Variants in DYM observed in about 807,000 individuals in gnomAD.
The protein encoded by DYM is dymeclin, also known as dyggve-Melchior-Clausen syndrome protein.
In DYM, 78 loss-of-function variants were observed where a neutral mutation model predicts 93.1. The ratio of observed to expected loss-of-function variants is 0.84; its 90% confidence interval spans 0.70 to 1.01. DYM has a LOEUF of 1.01. Among genes scored for constraint, DYM ranks in the 50% least tolerant of loss-of-function variants. DYM has a pLI of 0.00. For missense variants in DYM, 789 were observed against 845.0 expected (o/e 0.93, Z 0.82); for synonymous variants, 321 against 319.7 (o/e 1.00, Z -0.04).
chr18:49,283,877 T>C (rs1360632630), intron 9 of DYM, among the ~76,000 whole-genome samples: 3 of 152,232 alleles, frequency 2.0e-5, no homozygotes, highest in Non-Finnish European at 4.4e-5. Context: ...TCAGGTTTAC[T>C]ATCCAGTGCC....
chr18:49,162,302 C>T (rs887620598), intron 15 of DYM, among the ~76,000 whole-genome samples: 3 of 152,064 alleles, frequency 2.0e-5, no homozygotes, highest in Non-Finnish European at 4.4e-5. Context: ...GGAATTTATA[C>T]AGTTATGGAG....
chr18:49,403,142 C>T (rs1252380131), intron 2 of DYM, among the ~76,000 whole-genome samples: 3 of 152,182 alleles, frequency 2.0e-5, no homozygotes, highest in African/African-American at 7.2e-5. Context: ...CCTTAATACA[C>T]ACTTAAATTA....
chr18:49,053,848 T>C (rs1022761247), intron 17 of DYM, among the ~76,000 whole-genome samples: 9 of 152,182 alleles, frequency 5.9e-5, no homozygotes, highest in Non-Finnish European at 1.0e-4. Flanking sequence ...GGCATTTGCT[T>C]GGCTGTAGAG....
intron 1 of DYM, among the ~76,000 whole-genome samples, chr18:49,448,756 T>A (rs1400091916): frequency 6.6e-6 from 1 of 152,164 alleles, no homozygotes; most frequent in Non-Finnish European, 1.5e-5. Flanking sequence ...CATCCTGCAC[T>A]CCCCTGGAGT....
At chr18:49,244,279 C>T (rs796245005) in intron 13 of DYM, among the ~76,000 whole-genome samples, 1 of 152,206 alleles carries the variant, frequency 6.6e-6, no homozygotes, top group Non-Finnish European at 1.5e-5. Flanking sequence ...TTGGGAAAAG[C>T]TGCTTAGACC....
chr18:49,371,794 TAATAATA>T, intron 5 of DYM, among the ~76,000 whole-genome samples: 1 of 152,212 alleles, frequency 6.6e-6, no homozygotes, highest in African/African-American at 2.4e-5. Context: ...TATCCTCATA[TAATAATA>T]CAAATTCTCC....
At chr18:49,133,592 T>C (rs1401236316) in intron 15 of DYM, among the ~76,000 whole-genome samples, 1 of 152,252 alleles carries the variant, frequency 6.6e-6, no homozygotes, top group Non-Finnish European at 1.5e-5. Context: ...GCTATTCTCC[T>C]GCTGGTATAA....
intron 11 of DYM, among the ~76,000 whole-genome samples, chr18:49,267,195 C>CT (rs539429592): frequency 0.014 from 1,697 of 120,646 alleles, 40 homozygotes; most frequent in South Asian, 0.088. Flanking sequence ...TAAAAGGTAA[C>CT]TTTTTAAAAA....
At chr18:49,201,672 T>C (rs1455645607) in intron 14 of DYM, among the ~76,000 whole-genome samples, 1 of 152,242 alleles carries the variant, frequency 6.6e-6, no homozygotes, top group Non-Finnish European at 1.5e-5. Flanking sequence ...AAACATCCTA[T>C]TACTGCCTTA....
At chr18:49,378,527 C>T (rs1299334667) in intron 5 of DYM, 40 bp downstream of exon 5, 1 of 1,556,652 alleles carries the variant, frequency 6.4e-7, no homozygotes, top group African/African-American at 1.4e-5. Flanking sequence ...TTAAATGTTA[C>T]ACATGATATA....
intron 1 of DYM, among the ~76,000 whole-genome samples, chr18:49,450,761 A>C (rs561891673): frequency 1.3e-5 from 2 of 152,360 alleles, no homozygotes; most frequent in Admixed American, 6.5e-5. Context: ...CTAATGTCTA[A>C]GTATATACTA....
At chr18:49,360,746 G>A (rs980172511) in intron 6 of DYM, among the ~76,000 whole-genome samples, 4 of 152,102 alleles carry the variant, frequency 2.6e-5, no homozygotes, top group Non-Finnish European at 5.9e-5. Context: ...TCCCTGATCT[G>A]ACCACATGTA....
At chr18:49,439,069 C>T (rs540585730) in intron 1 of DYM, among the ~76,000 whole-genome samples, 39 of 152,292 alleles carry the variant, frequency 2.6e-4, no homozygotes, top group Admixed American at 1.4e-3. Flanking sequence ...ATCCCATCTC[C>T]TGGCTTTTCT....
intron 1 of DYM, among the ~76,000 whole-genome samples, chr18:49,455,733 C>G (rs957117920): frequency 1.3e-5 from 2 of 152,120 alleles, no homozygotes; most frequent in African/African-American, 4.8e-5. Flanking sequence ...GGGTGGATCA[C>G]CTGAGGTCAG....
chr18:49,368,402 A>T (rs1568327772), intron 5 of DYM, among the ~76,000 whole-genome samples: 1 of 152,218 alleles, frequency 6.6e-6, no homozygotes, highest in Non-Finnish European at 1.5e-5. Context: ...GCAGATACAG[A>T]TTACAAGTCT....
rs532791607 is a variant in DYM, at chr18:49,291,969, A to T, written c.764-5353T>A. 7.2e-5 allele frequency among the ~76,000 whole-genome samples: 11 copies of T among 152,288 alleles called. No individual in the cohort carries two copies. In the East Asian group the frequency reaches 1.9e-3, roughly 27 times the overall value. On this transcript the variant is annotated intron_variant, in intron 8 of 17. Transcript: ENST00000675505. ...GTATGCTCCATGACAGTCAGCTCCAATATCCATCACTGTGTGTTCCAGGAT... is the reference window on the plus strand; with the variant it reads ...GTATGCTCCATGACAGTCAGCTCCATTATCCATCACTGTGTGTTCCAGGAT...
chr18:49,286,379 G>T, intron 9 of DYM, 55 bp downstream of exon 9: 1 of 1,575,258 alleles, frequency 6.3e-7, no homozygotes, highest in Non-Finnish European at 8.7e-7. Flanking sequence ...AAACAATATA[G>T]AACAAGCAAT....
chr18:49,258,819 C>G (rs867429711), intron 11 of DYM, among the ~76,000 whole-genome samples: 1,815 of 111,646 alleles, frequency 0.016, 70 homozygotes, highest in African/African-American at 0.05. Flanking sequence ...CACACACACA[C>G]ACAGAGACAC....
At chr18:49,122,232 T>C (rs1047680121) in intron 15 of DYM, among the ~76,000 whole-genome samples, 1 of 152,208 alleles carries the variant, frequency 6.6e-6, no homozygotes, top group Non-Finnish European at 1.5e-5. Flanking sequence ...CTGAAAAGGC[T>C]GTATTTGTAA....
Sources: gnomAD v4.1 joint callset for allele counts (sites outside exome capture counted in the v4.1 genomes callset) on GRCh38, gnomAD v4.1.1 for gene constraint, MANE v1.5 for transcripts, NCBI Gene and HGNC (gene_info 2026-07-23, HGNC 2026-07-21) for gene names.